PTPN14: variants seen among roughly 807,000 people sequenced by gnomAD.
The protein encoded by PTPN14 is tyrosine-protein phosphatase non-receptor type 14.
A neutral mutation model predicts 126.8 loss-of-function variants in PTPN14; 53 were observed. The ratio of observed to expected loss-of-function variants is 0.42; its 90% CI spans 0.34 to 0.53. The LOEUF (loss-of-function observed/expected upper bound fraction) is 0.53. Among genes scored for constraint, PTPN14 ranks in the 20% least tolerant of loss-of-function variants. The pLI, the probability that PTPN14 is intolerant of heterozygous loss-of-function variation, is 0.08. For synonymous variants in PTPN14, 630 were observed against 599.3 expected, an observed-to-expected ratio of 1.05 and a Z score of -0.75; for missense variants, 1,257 against 1,552.9, an observed-to-expected ratio of 0.81 and a Z score of 3.20.
chr1:214,404,942 G>A (rs1482227455), intron 5 of PTPN14, among the ~76,000 whole-genome samples: 6 of 152,080 alleles, frequency 3.9e-5, no homozygotes, highest in East Asian at 1.9e-4. Flanking sequence ...GACTACCCCC[G>A]GCCTACTCAG....
At chr1:214,533,846 A>G (rs533327506) in intron 1 of PTPN14, among the ~76,000 whole-genome samples, 12 of 150,778 alleles carry the variant, frequency 8.0e-5, no homozygotes, top group Non-Finnish European at 1.3e-4. Flanking sequence ...CAAAAAACAA[A>G]AAAAAAAAAA....
intron 1 of PTPN14, among the ~76,000 whole-genome samples, chr1:214,501,264 G>A (rs978490105): frequency 2.6e-5 from 4 of 151,308 alleles, no homozygotes; most frequent in Non-Finnish European, 5.9e-5. Context: ...TTTTGGAGAC[G>A]GAGTTTCGCT....
chr1:214,413,074 G>A (rs1475262029), intron 4 of PTPN14, among the ~76,000 whole-genome samples: 3 of 152,152 alleles, frequency 2.0e-5, no homozygotes, highest in African/African-American at 4.8e-5. Context: ...ACAGAGTCTC[G>A]TTTTGTTGCC....
At chr1:214,491,006 AAAGG>A (rs1661232928) in intron 1 of PTPN14, among the ~76,000 whole-genome samples, 1 of 107,796 alleles carries the variant, frequency 9.3e-6, no homozygotes, top group African/African-American at 4.8e-5. Context: ...GAAAGGAAAG[AAAGG>A]AAGAAAGGAA....
intron 16 of PTPN14, among the ~76,000 whole-genome samples, chr1:214,370,758 G>A (rs971967644): frequency 2.0e-5 from 3 of 152,158 alleles, no homozygotes; most frequent in Admixed American, 2.0e-4. Flanking sequence ...GGGGCGGAGT[G>A]TGGAGGAGGT....
intron 17 of PTPN14, among the ~76,000 whole-genome samples, chr1:214,366,692 ATACATT>A (rs1299892909): frequency 1.3e-5 from 2 of 152,214 alleles, no homozygotes; most frequent in Non-Finnish European, 2.9e-5. Flanking sequence ...AGCATAATAC[ATACATT>A]TACATTCTTT....
At chr1:214,542,165 T>G (rs1434720315) in intron 1 of PTPN14, among the ~76,000 whole-genome samples, 1 of 152,240 alleles carries the variant, frequency 6.6e-6, no homozygotes, top group Non-Finnish European at 1.5e-5. Context: ...GTATGTTATA[T>G]GTACACACAC....
Position 214,384,062 on chromosome 1 carries a change from A to G in PTPN14, c.1793T>C (p.Val598Ala). ...CACCGAGAGCTGCACCTTCCGGGTCACCAGGTCCGGGCTGCTGCCGCTGAC... is the reference window on the plus strand; with the variant it reads ...CACCGAGAGCTGCACCTTCCGGGTCGCCAGGTCCGGGCTGCTGCCGCTGAC... ...KYVSGSSPDL[V>A]TRKVQLSVKT... Residue 598 changes from valine (V) to alanine (A), a missense_variant, in exon 13 of 19, where the codon GTG becomes GCG. By Grantham distance (64) the Val-to-Ala change is moderately conservative (BLOSUM62 0). Around this residue, in one of 3 missense-constraint regions of PTPN14, gnomAD observed 1,021 missense variants for 1,183.3 expected, o/e 0.86. Coordinates refer to ENST00000366956, the MANE Select transcript of PTPN14 (RefSeq NM_005401.5). This position sits in a 1 kb window ranked among gnomAD's most constrained non-coding sequence, Gnocchi z 5.3. 1 of 1,579,262 alleles carries G rather than the reference A, an allele frequency of 6.3e-7. No homozygotes were observed. The highest frequency in any genetic ancestry group is 8.6e-7 in the Non-Finnish European group (1 of 1,164,528).
intron 16 of PTPN14, among the ~76,000 whole-genome samples, chr1:214,371,598 G>A (rs1658220301): frequency 6.6e-6 from 1 of 152,194 alleles, no homozygotes; most frequent in African/African-American, 2.4e-5. Context: ...GACAGGGATG[G>A]TGCCTGTCTC....
intron 1 of PTPN14, among the ~76,000 whole-genome samples, chr1:214,491,960 TAC>T (rs1375510264): frequency 6.6e-6 from 1 of 152,162 alleles, no homozygotes; most frequent in African/African-American, 2.4e-5. Context: ...ATACAGCACT[TAC>T]AGTCACATCT....
chr1:214,411,781 A>G (rs1367581445), intron 4 of PTPN14, 30 bp from the exon 5 acceptor site: 1 of 1,387,938 alleles, frequency 7.2e-7, no homozygotes, highest in Admixed American at 2.1e-5. Context: ...GAAGGGCAGT[A>G]TTTATTATAT....
chr1:214,379,775 C>G (rs1014525309), intron 13 of PTPN14, among the ~76,000 whole-genome samples: 21 of 152,348 alleles, frequency 1.4e-4, no homozygotes, highest in African/African-American at 4.8e-4. Flanking sequence ...AGTCTTCCTG[C>G]CTTTGCTTCA....
chr1:214,542,752 T>C (rs1390027907), intron 1 of PTPN14, among the ~76,000 whole-genome samples: 2 of 152,182 alleles, frequency 1.3e-5, no homozygotes, highest in Non-Finnish European at 2.9e-5. Flanking sequence ...ACTGGGCCTG[T>C]TCAGGAAACA....
chr1:214,488,671 A>G (rs1307443831), intron 1 of PTPN14, among the ~76,000 whole-genome samples: 1 of 152,222 alleles, frequency 6.6e-6, no homozygotes, highest in African/African-American at 2.4e-5. Flanking sequence ...TCTAAAGATG[A>G]GTACAACCTG....
rs985348038 is a variant in PTPN14 at position 214,464,946 on chromosome 1, T to C, written c.-143A>G. 2.8e-5 allele frequency: 28 copies of C among 983,894 alleles called. No homozygotes were observed. Among genetic ancestry groups the C allele is most frequent in the Non-Finnish European group, 3.7e-5 (25 of 684,354 alleles). 60.9% of individuals were successfully genotyped at this position (983,894 alleles called of 1,614,324 possible). On this transcript the variant is annotated 5_prime_UTR_variant, in exon 2 of 19. Coordinates refer to ENST00000366956, the MANE Select transcript of PTPN14 (RefSeq NM_005401.5). ...AGGGTGTCCATGCCCAGTGTGGCCCTCTGGAAGATAGCTGTAAATGCAAAA... is the reference window on the plus strand; with the variant it reads ...AGGGTGTCCATGCCCAGTGTGGCCCCCTGGAAGATAGCTGTAAATGCAAAA...
At chr1:214,452,061 T>C in intron 2 of PTPN14, 87 bp from the exon 3 acceptor site, 1 of 1,443,156 alleles carries the variant, frequency 6.9e-7, no homozygotes, top group Non-Finnish European at 9.4e-7. Context: ...GCATGCTGCA[T>C]CCCACCCTGG....
intron 9 of PTPN14, 80 bp from the exon 10 acceptor site, chr1:214,393,857 G>T (rs373770392): frequency 1.8e-6 from 2 of 1,137,448 alleles, no homozygotes; most frequent in Non-Finnish European, 2.6e-6. Flanking sequence ...TCTGAGGAGG[G>T]ACACACATCC....
chr1:214,543,774 A>G (rs1239320555), intron 1 of PTPN14, among the ~76,000 whole-genome samples: 1 of 152,038 alleles, frequency 6.6e-6, no homozygotes, highest in Admixed American at 6.6e-5. Context: ...GCACGCCACC[A>G]TGCCCAGCTA....
At chr1:214,420,035 T>C (rs1264398075) in intron 3 of PTPN14, among the ~76,000 whole-genome samples, 1 of 152,190 alleles carries the variant, frequency 6.6e-6, no homozygotes, top group Non-Finnish European at 1.5e-5. Flanking sequence ...CCATGCACTA[T>C]CTAAAAGCTT....
Sources: allele counts gnomAD v4.1 joint callset (sites outside exome capture counted in the v4.1 genomes callset), GRCh38; gene constraint gnomAD v4.1.1; regional missense constraint gnomAD v4.1.1; non-coding constraint Gnocchi (gnomAD v3.1); transcripts MANE v1.5; gene names NCBI Gene and HGNC (gene_info 2026-07-23, HGNC 2026-07-21).